PUDP: variants seen among roughly 807,000 people sequenced by gnomAD.
The protein encoded by PUDP is pseudouridine 5'-phosphatase.
PUDP carries 8 observed loss-of-function variants against 9.4 expected under a neutral mutation model. The ratio of observed to expected loss-of-function variants is 0.85; its 90% CI spans 0.50 to 1.53. The LOEUF (loss-of-function observed/expected upper bound fraction) is 1.53. PUDP is among the 40% of genes most tolerant of loss of function. The pLI is 0.00. For synonymous variants in PUDP, 99 were observed against 80.7 expected (o/e 1.23, Z -1.22); for missense variants, 188 against 189.7 (o/e 0.99, Z 0.05).
intron 3 of PUDP, among the ~76,000 whole-genome samples, chrX:6,750,894 C>T (rs1230013511): frequency 9.0e-6 from 1 of 111,467 alleles, no homozygotes; most frequent in African/African-American, 3.3e-5. Flanking sequence ...AATCCCAGCA[C>T]TTTGGGAGGC....
intron 3 of PUDP, among the ~76,000 whole-genome samples, chrX:7,063,074 C>T (rs960500424): frequency 9.0e-6 from 1 of 110,509 alleles, no homozygotes; most frequent in Non-Finnish European, 1.9e-5. Context: ...GTGGAGATTG[C>T]ACAACTTCAT....
intron 3 of PUDP, among the ~76,000 whole-genome samples, chrX:6,803,684 G>A (rs965155438): frequency 1.8e-5 from 2 of 111,932 alleles, no homozygotes; most frequent in African/African-American, 3.2e-5. Context: ...CGAGTTCGAC[G>A]CATTTCCTCA....
At chrX:6,973,651 C>T (rs765583409) in intron 3 of PUDP, among the ~76,000 whole-genome samples, 28 of 111,412 alleles carry the variant, frequency 2.5e-4, no homozygotes, top group Non-Finnish European at 4.3e-4. Flanking sequence ...AGAATATGTG[C>T]GATGTGGTGT....
intron 2 of PUDP, among the ~76,000 whole-genome samples, chrX:7,086,777 A>G (rs1048259946): frequency 3.6e-5 from 4 of 112,400 alleles, no homozygotes; most frequent in East Asian, 5.6e-4. Flanking sequence ...CTCAAAGCTA[A>G]TATCAGGGAT....
chrX:6,819,609 G>A (rs1018708723), intron 3 of PUDP, among the ~76,000 whole-genome samples: 5 of 112,642 alleles, frequency 4.4e-5, no homozygotes, highest in African/African-American at 1.3e-4. Flanking sequence ...TTTGAAACAC[G>A]TCTTCATGGA....
intron 3 of PUDP, among the ~76,000 whole-genome samples, chrX:7,068,457 CA>C (rs1930633982): frequency 9.0e-6 from 1 of 111,488 alleles, no homozygotes; most frequent in East Asian, 2.8e-4. Flanking sequence ...GGTGTGGGGA[CA>C]GGGGAGGAGT....
At chrX:6,907,295 T>A (rs1435530963) in intron 3 of PUDP, among the ~76,000 whole-genome samples, 2 of 111,580 alleles carry the variant, frequency 1.8e-5, no homozygotes, top group African/African-American at 6.5e-5. Context: ...GTAAGTTTCC[T>A]AAGGACTCCA....
At chrX:6,819,418 T>C (rs1402111347) in intron 3 of PUDP, among the ~76,000 whole-genome samples, 3 of 112,455 alleles carry the variant, frequency 2.7e-5, no homozygotes, top group Non-Finnish European at 5.6e-5. Flanking sequence ...TGCTAATTCA[T>C]GGATTCAATA....
rs149308760 is a variant in PUDP, at chrX:7,079,789, C to T, written c.281-2340G>A. On this transcript the variant is annotated intron_variant, in intron 2 of 3. Transcript: ENST00000381077. ...AACTACCAAAATTTCTGGGATGTGG[C>T]TAAAACATTGCTTCGATGAAAACTG... 8.4e-3 allele frequency among the ~76,000 whole-genome samples: 937 copies of T among 112,013 alleles called. 13 individuals are homozygous for T. Among genetic ancestry groups the T allele is most frequent in the African/African-American group, 0.029 (887 of 30,883 alleles).
intron 3 of PUDP, among the ~76,000 whole-genome samples, chrX:6,768,104 A>G (rs1054103639): frequency 1.8e-5 from 2 of 111,764 alleles, no homozygotes; most frequent in African/African-American, 6.5e-5. Flanking sequence ...GAATAATCCA[A>G]TGTTGGAATT....
chrX:6,820,773 T>C (rs1926328735), intron 3 of PUDP, among the ~76,000 whole-genome samples: 1 of 111,963 alleles, frequency 8.9e-6, no homozygotes, highest in African/African-American at 3.2e-5. Context: ...TCTCGGCTGA[T>C]TTCATGGGCT....
intron 3 of PUDP, among the ~76,000 whole-genome samples, chrX:6,975,684 C>T (rs541566222): frequency 8.1e-5 from 9 of 111,632 alleles, no homozygotes; most frequent in East Asian, 5.7e-4. Context: ...TCAGGAGGCA[C>T]GGGGGTCAAG....
intron 3 of PUDP, among the ~76,000 whole-genome samples, chrX:6,834,605 C>T (rs1210187863): frequency 8.9e-6 from 1 of 112,008 alleles, no homozygotes; most frequent in African/African-American, 3.2e-5. Context: ...ATTAAAGTTA[C>T]TAATTCATTG....
At chrX:6,892,284 A>G (rs1194197001) in intron 3 of PUDP, among the ~76,000 whole-genome samples, 3 of 111,868 alleles carry the variant, frequency 2.7e-5, no homozygotes, top group Non-Finnish European at 5.6e-5. Context: ...TGTGCTCTCC[A>G]CAAAATTCTT....
At chrX:6,874,660 T>G (rs1033258530) in intron 3 of PUDP, among the ~76,000 whole-genome samples, 1 of 112,493 alleles carries the variant, frequency 8.9e-6, no homozygotes, top group African/African-American at 3.2e-5. Flanking sequence ...ATCAAATCTG[T>G]TAAGTGAAAA....
intron 2 of PUDP, among the ~76,000 whole-genome samples, chrX:6,977,788 C>T (rs749933066): frequency 8.9e-5 from 10 of 112,619 alleles, no homozygotes; most frequent in African/African-American, 2.3e-4. Flanking sequence ...TAGGAAGCTC[C>T]GCCATGGCAG....
chrX:6,959,978 C>A (rs1439745455), intron 3 of PUDP, among the ~76,000 whole-genome samples: 1 of 112,341 alleles, frequency 8.9e-6, no homozygotes, highest in Non-Finnish European at 1.9e-5. Context: ...CCTGTCCCAC[C>A]ATTGTATTTG....
At chrX:6,795,860 T>C (rs1049781748) in intron 3 of PUDP, among the ~76,000 whole-genome samples, 4 of 111,748 alleles carry the variant, frequency 3.6e-5, no homozygotes, top group African/African-American at 1.3e-4. Context: ...GCCCATACCA[T>C]GTCAAAAGCT....
chrX:6,752,279 G>T (rs997534146), intron 3 of PUDP, among the ~76,000 whole-genome samples: 1 of 111,358 alleles, frequency 9.0e-6, no homozygotes, highest in Non-Finnish European at 1.9e-5. Flanking sequence ...GATCAACCAG[G>T]AGGCAGCACC....
Sources: gnomAD v4.1 joint callset for allele counts (sites outside exome capture counted in the v4.1 genomes callset) on GRCh38, gnomAD v4.1.1 for gene constraint, MANE v1.5 for transcripts, NCBI Gene and HGNC (gene_info 2026-07-23, HGNC 2026-07-21) for gene names.